Variants in MRPL12 observed in about 807,000 individuals in gnomAD.
MRPL12 encodes the protein mitochondrial ribosomal protein L12, also known as large ribosomal subunit protein bL12m.
In MRPL12, 13 loss-of-function variants were observed where a neutral mutation model predicts 21.1. The ratio of observed to expected loss-of-function variants is 0.62; its 90% CI spans 0.40 to 0.98. The LOEUF is 0.98. Among genes scored for constraint, MRPL12 ranks in the 50% least tolerant of loss-of-function variants. The probability of loss-of-function intolerance (pLI) is 0.00; values close to 1 mark genes in which losing one functional copy is unlikely to be tolerated. For synonymous variants in MRPL12, 126 were observed against 115.3 expected (o/e 1.09, Z -0.60); for missense variants, 251 against 268.6 (o/e 0.93, Z 0.46).
In MRPL12 at chr17:81,707,374, C is replaced by T. The variant is rs970001089; in HGVS notation, c.*134C>T. On this transcript the variant is annotated 3_prime_UTR_variant, in exon 5 of 5. Coordinates refer to ENST00000333676, the MANE Select transcript of MRPL12 (RefSeq NM_002949.4). ...TGGGAGAATTGCCTGCGCCACGCAG[C>T]GGGGCCGGACAGGCCGCACAGACCT... 3.1e-5 allele frequency: 27 copies of T among 878,958 alleles called. No homozygotes were observed. The Admixed American group carries it at 3.3e-4, about 11-fold the overall frequency. 54.4% of individuals were successfully genotyped at this position (878,958 alleles called of 1,614,324 possible).
At chr17:81,705,234 A>G (rs2037302221) in intron 3 of MRPL12, among the ~76,000 whole-genome samples, 1 of 151,498 alleles carries the variant, frequency 6.6e-6, no homozygotes, top group South Asian at 2.1e-4. Flanking sequence ...ATAAATAAAA[A>G]TACAAAAATT....
intron 3 of MRPL12, among the ~76,000 whole-genome samples, chr17:81,705,467 A>C (rs1334677192): frequency 2.0e-5 from 3 of 151,530 alleles, no homozygotes; most frequent in Non-Finnish European, 4.4e-5. Context: ...CATTGTGGGG[A>C]AAAGGAGGGA....
At position 81,707,279 on chromosome 17, in the gene MRPL12, C is replaced by T; in HGVS notation, c.*39C>T. On this transcript the variant is annotated 3_prime_UTR_variant, in exon 5 of 5. Transcript: ENST00000333676. ...GGACTTGTGTTCAGGGGTCCTGGGC[C>T]CCGGGCGAGGTCCCGCCCTCCCGTG... The T allele has an allele frequency of 6.6e-7, 1 of 1,522,568 alleles. No individual in the cohort carries two copies. Among genetic ancestry groups the T allele is most frequent in the Non-Finnish European group, 8.8e-7 (1 of 1,132,624 alleles). The allele number at this position is 1,522,568 out of a possible 1,614,324, so 94.3% of individuals were successfully genotyped here. A position where few individuals can be genotyped will look rare whatever the true frequency, so the allele number is the denominator to read the frequency against.
rs2037322972 is a variant in MRPL12, at chr17:81,707,189, G to A, written c.546G>A (p.Glu182=). ...IKANVAKAEA[E]KIKAALEAVG... ...CCAATGTCGCCAAAGCTGAGGCGGA[G>A]AAGATCAAGGCGGCCCTGGAGGCGG... Residue 182 remains glutamate, a synonymous_variant, in exon 5 of 5, where the codon GAG becomes GAA. Coordinates refer to ENST00000333676, the MANE Select transcript of MRPL12 (RefSeq NM_002949.4). 1 of 1,613,402 alleles carries A rather than the reference G, an allele frequency of 6.2e-7. No individual in the cohort carries two copies. The highest frequency in any genetic ancestry group is 1.7e-4 in the Middle Eastern group (1 of 6,054).
Position 81,707,055 on chromosome 17 carries a change from G to A in MRPL12, c.480+15G>A, listed in dbSNP as rs752349831. The A allele has an allele frequency of 6.9e-5, 112 of 1,613,870 alleles. No homozygotes were observed. The highest frequency in any genetic ancestry group is 9.1e-5 in the Non-Finnish European group (107 of 1,179,982). ...ACCTCGTCCAGGTCTGTGCCGCGGT[G>A]GGGGTTCCGAGGCAGGTTCCGTTGT... is the stretch of plus-strand genomic sequence containing the variant. On this transcript the variant is annotated intron_variant, in intron 4 of 4. Transcript: ENST00000333676.
In MRPL12 at chr17:81,703,614, G is replaced by C. The variant is rs374044983; in HGVS notation, c.74+39G>C. The C allele has an allele frequency of 4.8e-4, 648 of 1,354,152 alleles. 4 individuals are homozygous for C. The African/African-American group carries it at 5.8e-3, about 12-fold the overall frequency. The allele number at this position is 1,354,152 out of a possible 1,614,324, so 83.9% of individuals were successfully genotyped here. ...TGGGGCGGTCCGGGCCGGCAGGCGG[G>C]TTAGGGGGCAGCCGGGCACTGAGGG... On this transcript the variant is annotated intron_variant, in intron 1 of 4. Coordinates refer to ENST00000333676, the MANE Select transcript of MRPL12 (RefSeq NM_002949.4).
In MRPL12 at chr17:81,704,666, C is replaced by T. The variant is rs780705868; in HGVS notation, c.295C>T (p.Pro99Ser). The change falls in exon 3 of 5, where the codon CCG becomes TCG. Residue 99 changes from proline to serine, a missense_variant. By Grantham distance (74) the Pro-to-Ser change is moderately conservative. Transcript: ENST00000333676. ...TLKIQDVGLV[P>S]MGGVMSGAVP... ...GAAGATCCAGGATGTCGGGCTTGTG[C>T]CGATGGGTGGTGTGATGTCTGGGGC... The T allele has an allele frequency of 6.2e-7, 1 of 1,613,868 alleles. No individual in the cohort carries two copies. The highest frequency in any genetic ancestry group is 1.1e-5 in the South Asian group (1 of 91,080).
chr17:81,706,092 A>G (rs1054435958), intron 3 of MRPL12, among the ~76,000 whole-genome samples: 4 of 152,330 alleles, frequency 2.6e-5, no homozygotes, highest in South Asian at 2.1e-4. Context: ...CGTCAGTCCC[A>G]TGGCGGGTTG....
At chr17:81,706,285 C>G (rs1358560924) in intron 3 of MRPL12, among the ~76,000 whole-genome samples, 1 of 152,160 alleles carries the variant, frequency 6.6e-6, no homozygotes, top group African/African-American at 2.4e-5. Context: ...GAAACCGAGT[C>G]TCACTCTGTC....
chr17:81,704,565 T>C, intron 2 of MRPL12, 68 bp from the exon 3 acceptor site: 1 of 1,583,448 alleles, frequency 6.3e-7, no homozygotes, highest in Middle Eastern at 1.7e-4. Flanking sequence ...GCCAGGCTAG[T>C]TGCCCCTCCT....
At chr17:81,706,813 T>C (rs2037318311) in intron 3 of MRPL12, 93 bp from the exon 4 acceptor site, 1 of 1,500,762 alleles carries the variant, frequency 6.7e-7, no homozygotes, top group African/African-American at 1.4e-5. Flanking sequence ...TGCACCTCCC[T>C]TTGGGGCTTT....
chr17:81,703,397 T>C lies in MRPL12; in HGVS notation c.-105T>C. ...TTCCGGCTCGAATGCCCGGCAGCCG[T>C]GGCGGCTAGAGCGTTCCTCCCCAGC... On this transcript the variant is annotated 5_prime_UTR_variant, in exon 1 of 5. Coordinates refer to ENST00000333676, the MANE Select transcript of MRPL12 (RefSeq NM_002949.4). The C allele has an allele frequency of 1.1e-6, 1 of 942,854 alleles. No individual in the cohort carries two copies. Among genetic ancestry groups the C allele is most frequent in the Middle Eastern group, 2.7e-4 (1 of 3,668 alleles). 58.4% of individuals were successfully genotyped at this position (942,854 alleles called of 1,614,324 possible). A position where few individuals can be genotyped will look rare whatever the true frequency, so the allele number is the denominator to read the frequency against.
At position 81,703,489 on chromosome 17, in the gene MRPL12, A is replaced by G. The variant is rs2037276939; in HGVS notation, c.-13A>G. On this transcript the variant is annotated 5_prime_UTR_variant, in exon 1 of 5. Transcript: ENST00000333676. ...CCCGGGGAACCGCGTGTGACCTTCCAGCCCGCGGACCGATGCTGCCGGCGG... is the reference window on the plus strand; with the variant it reads ...CCCGGGGAACCGCGTGTGACCTTCCGGCCCGCGGACCGATGCTGCCGGCGG... The G allele has an allele frequency of 2.0e-6, 3 of 1,487,658 alleles. No individual in the cohort carries two copies. The highest frequency in any genetic ancestry group is 1.3e-5 in the South Asian group (1 of 79,836). The allele number at this position is 1,487,658 out of a possible 1,614,324, so 92.2% of individuals were successfully genotyped here.
At position 81,706,984 on chromosome 17, in the gene MRPL12, A is replaced by G. The variant is rs745938970; in HGVS notation, c.424A>G (p.Lys142Glu). 4 of 1,614,138 alleles carry G rather than the reference A, an allele frequency of 2.5e-6. No homozygotes were observed. The highest frequency in any genetic ancestry group is 3.4e-6 in the Non-Finnish European group (4 of 1,180,032). The change falls in exon 4 of 5, where the codon AAA (lysine) becomes GAA (glutamate). Residue 142 changes from lysine (K) to glutamate (E), a missense_variant. Lys to Glu is a moderately conservative substitution (Grantham distance 56). Coordinates refer to ENST00000333676, the MANE Select transcript of MRPL12 (RefSeq NM_002949.4). Reference sequence around the variant, plus strand: ...CCTGACCGAGGCGAAGCCCGTGGACAAAGTGAAGCTGATCAAGGAAATCAA... The same window carrying G: ...CCTGACCGAGGCGAAGCCCGTGGACGAAGTGAAGCTGATCAAGGAAATCAA... Reference protein sequence around the residue: ...VRLTEAKPVDKVKLIKEIKNY... With the variant: ...VRLTEAKPVDEVKLIKEIKNY...
Position 81,703,482 on chromosome 17 carries a change from A to G in MRPL12, c.-20A>G. ...GCCTCCTCCCGGGGAACCGCGTGTGACCTTCCAGCCCGCGGACCGATGCTG... is the reference window on the plus strand; with the variant it reads ...GCCTCCTCCCGGGGAACCGCGTGTGGCCTTCCAGCCCGCGGACCGATGCTG... On this transcript the variant is annotated 5_prime_UTR_variant, in exon 1 of 5. Coordinates refer to ENST00000333676, the MANE Select transcript of MRPL12 (RefSeq NM_002949.4). 2.0e-6 allele frequency: 3 copies of G among 1,486,646 alleles called. No homozygotes were observed. The highest frequency in any genetic ancestry group is 2.5e-5 in the South Asian group (2 of 79,744). The allele number at this position is 1,486,646 out of a possible 1,614,324, so 92.1% of individuals were successfully genotyped here.
At position 81,707,363 on chromosome 17, in the gene MRPL12, G is replaced by T. The variant is rs527875908; in HGVS notation, c.*123G>T. The T allele has an allele frequency of 2.4e-4, 223 of 946,524 alleles. No homozygotes were observed. In the African/African-American group the frequency reaches 3.2e-3, roughly 13 times the overall value. 58.6% of individuals were successfully genotyped at this position (946,524 alleles called of 1,614,324 possible). A position where few individuals can be genotyped will look rare whatever the true frequency, so the allele number is the denominator to read the frequency against. ...GTGGAGCCGTTTGGGAGAATTGCCT[G>T]CGCCACGCAGCGGGGCCGGACAGGC... is the stretch of plus-strand genomic sequence containing the variant. On this transcript the variant is annotated 3_prime_UTR_variant, in exon 5 of 5. Transcript: ENST00000333676.
intron 3 of MRPL12, among the ~76,000 whole-genome samples, chr17:81,706,058 G>A (rs62077189): frequency 0.18 from 27,993 of 152,200 alleles, 3,055 homozygotes; most frequent in African/African-American, 0.29. Flanking sequence ...GTCTCCATGC[G>A]CCACGTCAGA....
chr17:81,703,525 C>G lies in MRPL12; in HGVS notation c.24C>G (p.Pro8=), dbSNP rs1011759519. The part of the protein sequence containing the change: MLPAAAR[P]LWGPCLGLRA... ...CGATGCTGCCGGCGGCCGCTCGCCCCCTGTGGGGGCCTTGCCTTGGGCTTC... is the reference window on the plus strand; with the variant it reads ...CGATGCTGCCGGCGGCCGCTCGCCCGCTGTGGGGGCCTTGCCTTGGGCTTC... The change falls in exon 1 of 5, where the codon CCC becomes CCG. Residue 8 remains proline, a synonymous_variant. Coordinates refer to ENST00000333676, the MANE Select transcript of MRPL12 (RefSeq NM_002949.4). 3.4e-6 allele frequency: 5 copies of G among 1,480,814 alleles called. No individual in the cohort carries two copies. Among genetic ancestry groups the G allele is most frequent in the African/African-American group, 1.5e-5 (1 of 68,156 alleles). The allele number at this position is 1,480,814 out of a possible 1,614,324, so 91.7% of individuals were successfully genotyped here. A position where few individuals can be genotyped will look rare whatever the true frequency, so the allele number is the denominator to read the frequency against.
In MRPL12 at chr17:81,707,266, A is replaced by G. The variant is rs1317726562; in HGVS notation, c.*26A>G. The G allele has an allele frequency of 1.9e-6, 3 of 1,550,054 alleles. No homozygotes were observed. The highest frequency in any genetic ancestry group is 1.2e-5 in the South Asian group (1 of 81,176). On this transcript the variant is annotated 3_prime_UTR_variant, in exon 5 of 5. Coordinates refer to ENST00000333676, the MANE Select transcript of MRPL12 (RefSeq NM_002949.4). ...CCTCCAGCTCGGAGGACTTGTGTTC[A>G]GGGGTCCTGGGCCCCGGGCGAGGTC...
Sources: gnomAD v4.1 joint callset for allele counts (sites outside exome capture counted in the v4.1 genomes callset) on GRCh38, gnomAD v4.1.1 for gene constraint, MANE v1.5 for transcripts, NCBI Gene and HGNC (gene_info 2026-07-23, HGNC 2026-07-21) for gene names.